SNTG1: variants seen among roughly 807,000 people sequenced by gnomAD.
The protein encoded by SNTG1 is syntrophin gamma 1.
A neutral mutation model predicts 74.7 loss-of-function variants in SNTG1; 39 were observed. The ratio of observed to expected loss-of-function variants is 0.52; its 90% CI spans 0.40 to 0.68. The LOEUF (loss-of-function observed/expected upper bound fraction) is 0.68. SNTG1 is among the 30% of genes least tolerant of loss of function. The probability of loss-of-function intolerance (pLI) is 0.00; values close to 1 mark genes in which losing one functional copy is unlikely to be tolerated. For synonymous variants in SNTG1, 254 were observed against 217.1 expected, an observed-to-expected ratio of 1.17 and a Z score of -1.49; for missense variants, 685 against 609.5, an observed-to-expected ratio of 1.12 and a Z score of -1.30.
intron 5 of SNTG1, among the ~76,000 whole-genome samples, chr8:50,447,188 A>G (rs1461272471): frequency 6.6e-6 from 1 of 152,170 alleles, no homozygotes; most frequent in African/African-American, 2.4e-5. Flanking sequence ...CTATCTCAAA[A>G]GCCTTTTCTC....
chr8:50,721,741 G>A (rs921455469), intron 17 of SNTG1, among the ~76,000 whole-genome samples: 1 of 152,164 alleles, frequency 6.6e-6, no homozygotes, highest in Non-Finnish European at 1.5e-5. Context: ...TGGTGAACGT[G>A]TATGGTGCTT....
intron 2 of SNTG1, among the ~76,000 whole-genome samples, chr8:50,325,235 T>C (rs1476752240): frequency 6.6e-6 from 1 of 151,740 alleles, no homozygotes; most frequent in Non-Finnish European, 1.5e-5. Flanking sequence ...AACTTTAGAA[T>C]CAGTGTGGTA....
chr8:50,402,557 G>C (rs1217613461), intron 4 of SNTG1, among the ~76,000 whole-genome samples: 1 of 152,122 alleles, frequency 6.6e-6, no homozygotes, highest in Non-Finnish European at 1.5e-5. Context: ...TCTCCAGCCT[G>C]TTGTCTATGA....
chr8:50,173,828 TA>T (rs2082895184), intron 2 of SNTG1, among the ~76,000 whole-genome samples: 1 of 152,218 alleles, frequency 6.6e-6, no homozygotes, highest in African/African-American at 2.4e-5. Flanking sequence ...ATTATCTTTT[TA>T]AAAAATTTTA....
chr8:50,402,394 A>G (rs756453186), intron 4 of SNTG1, 50 bp downstream of exon 4: 68 of 1,549,164 alleles, frequency 4.4e-5, no homozygotes, highest in Non-Finnish European at 5.7e-5. Flanking sequence ...TTTTTTGTTA[A>G]TAAAAATGTT....
chr8:50,776,324 A>G (rs2095640656), intron 18 of SNTG1, among the ~76,000 whole-genome samples: 1 of 149,748 alleles, frequency 6.7e-6, no homozygotes, highest in Admixed American at 6.7e-5. Flanking sequence ...AGTGAAATCA[A>G]CATCTTATCA....
At chr8:50,720,708 G>T (rs763362762) in intron 17 of SNTG1, among the ~76,000 whole-genome samples, 26 of 152,270 alleles carry the variant, frequency 1.7e-4, no homozygotes, top group Non-Finnish European at 3.8e-4. Flanking sequence ...TACGGTTATT[G>T]CTGGACACTC....
intron 2 of SNTG1, among the ~76,000 whole-genome samples, chr8:50,238,778 A>G (rs536469813): frequency 6.6e-6 from 1 of 152,284 alleles, no homozygotes; most frequent in African/African-American, 2.4e-5. Context: ...TGTACAAGGA[A>G]CTCAAACAAA....
chr8:50,117,229 C>T (rs1430658483), intron 1 of SNTG1, among the ~76,000 whole-genome samples: 1 of 151,854 alleles, frequency 6.6e-6, no homozygotes, highest in Non-Finnish European at 1.5e-5. Flanking sequence ...ACATCTTTTC[C>T]AGAGTGTGTG....
chr8:50,379,213 G>C (rs1374808902), intron 2 of SNTG1, among the ~76,000 whole-genome samples: 1 of 152,204 alleles, frequency 6.6e-6, no homozygotes, highest in Non-Finnish European at 1.5e-5. Context: ...CAGCTGGGTG[G>C]GCTTCGACGG....
At chr8:50,545,016 C>A (rs1042876517) in intron 11 of SNTG1, among the ~76,000 whole-genome samples, 10 of 151,924 alleles carry the variant, frequency 6.6e-5, no homozygotes, top group Non-Finnish European at 1.3e-4. Flanking sequence ...CACTGATGGA[C>A]AGTTAGGTTG....
At chr8:50,522,084 A>T (rs1320221547) in intron 9 of SNTG1, among the ~76,000 whole-genome samples, 1 of 152,190 alleles carries the variant, frequency 6.6e-6, no homozygotes, top group Non-Finnish European at 1.5e-5. Context: ...CATCAGAGTA[A>T]TCCCCATCTA....
chr8:50,755,306 G>A (rs1025934257), intron 18 of SNTG1, among the ~76,000 whole-genome samples: 2 of 142,084 alleles, frequency 1.4e-5, no homozygotes, highest in African/African-American at 5.3e-5. Context: ...TTTAAAACTT[G>A]TCTCCGTACT....
intron 13 of SNTG1, among the ~76,000 whole-genome samples, chr8:50,610,768 T>C (rs2094844256): frequency 6.6e-6 from 1 of 152,202 alleles, no homozygotes; most frequent in Non-Finnish European, 1.5e-5. Flanking sequence ...AATGAGGTAG[T>C]AAGACCATAA....
chr8:50,540,443 T>C (rs1053460575), intron 11 of SNTG1, among the ~76,000 whole-genome samples: 4 of 152,194 alleles, frequency 2.6e-5, no homozygotes, highest in Non-Finnish European at 5.9e-5. Flanking sequence ...ATGTTTTATA[T>C]GTATTTATAA....
At chr8:50,763,915 C>T (rs1036535075) in intron 18 of SNTG1, among the ~76,000 whole-genome samples, 4 of 119,948 alleles carry the variant, frequency 3.3e-5, no homozygotes, top group Non-Finnish European at 5.3e-5. Flanking sequence ...ACAAAAATAA[C>T]CAAGGCAATT....
At chr8:50,702,641 A>G (rs533024838) in intron 15 of SNTG1, among the ~76,000 whole-genome samples, 2 of 152,338 alleles carry the variant, frequency 1.3e-5, no homozygotes, top group East Asian at 1.9e-4. Context: ...AGTACACTGC[A>G]TAGATATAGC....
intron 2 of SNTG1, among the ~76,000 whole-genome samples, chr8:50,288,620 A>C (rs1331635955): frequency 6.6e-6 from 1 of 152,206 alleles, no homozygotes; most frequent in Non-Finnish European, 1.5e-5. Flanking sequence ...GAGGACATGC[A>C]GACTCAGAAA....
intron 2 of SNTG1, among the ~76,000 whole-genome samples, chr8:50,177,892 C>T (rs1282147581): frequency 1.3e-5 from 2 of 152,150 alleles, no homozygotes; most frequent in Non-Finnish European, 2.9e-5. Flanking sequence ...ATTCCTGAAC[C>T]CCTGGAAACC....
Sources: allele counts gnomAD v4.1 joint callset (sites outside exome capture counted in the v4.1 genomes callset), GRCh38; gene constraint gnomAD v4.1.1; transcripts MANE v1.5; gene names NCBI Gene and HGNC (gene_info 2026-07-23, HGNC 2026-07-21).